Variants in IFT52 observed in about 807,000 individuals in gnomAD.
The protein encoded by IFT52 is intraflagellar transport 52.
Under a neutral mutation model 54.4 loss-of-function variants are expected in IFT52, and 44 were observed. The ratio of observed to expected loss-of-function variants is 0.81; its 90% CI spans 0.63 to 1.04. The LOEUF (loss-of-function observed/expected upper bound fraction) is 1.04, where lower values mean the gene tolerates loss of function less well. Among genes scored for constraint, IFT52 ranks in the 50% least tolerant of loss-of-function variants. IFT52 has a pLI of 0.00. For missense variants in IFT52, 452 were observed against 523.6 expected (o/e 0.86, Z 1.33); for synonymous variants, 181 against 185.3 (o/e 0.98, Z 0.19).
At chr20:43,605,441 G>T (rs1273484446) in intron 6 of IFT52, among the ~76,000 whole-genome samples, 1 of 152,202 alleles carries the variant, frequency 6.6e-6, no homozygotes, top group Admixed American at 6.5e-5. Flanking sequence ...CAGCTACTCG[G>T]GAGGCTGAGA....
chr20:43,612,258 A>T (rs1042896537), intron 6 of IFT52, among the ~76,000 whole-genome samples: 2 of 151,976 alleles, frequency 1.3e-5, no homozygotes, highest in African/African-American at 4.8e-5. Flanking sequence ...ATGGGCTGTA[A>T]TCCACCTTGC....
chr20:43,636,116 C>G, intron 11 of IFT52, 103 bp downstream of exon 11: 2 of 1,065,624 alleles, frequency 1.9e-6, no homozygotes, highest in Non-Finnish European at 2.8e-6. Context: ...ATTTGTGGCA[C>G]TCCTTGTGGA....
intron 10 of IFT52, among the ~76,000 whole-genome samples, chr20:43,625,738 G>T (rs1984670399): frequency 6.6e-6 from 1 of 152,124 alleles, no homozygotes; most frequent in Non-Finnish European, 1.5e-5. Flanking sequence ...AATGGTGGGA[G>T]ATCAGGCCTG....
At chr20:43,612,196 T>C (rs1983504703) in intron 6 of IFT52, among the ~76,000 whole-genome samples, 1 of 152,154 alleles carries the variant, frequency 6.6e-6, no homozygotes, top group South Asian at 2.1e-4. Flanking sequence ...CACCTACTTT[T>C]TCTTCCTCCA....
At chr20:43,609,140 G>C (rs1447647823) in intron 6 of IFT52, among the ~76,000 whole-genome samples, 1 of 151,608 alleles carries the variant, frequency 6.6e-6, no homozygotes, top group African/African-American at 2.4e-5. Context: ...TACTCTGGAG[G>C]CTGAGGCAAG....
chr20:43,621,228 C>T (rs1043402769), intron 9 of IFT52, among the ~76,000 whole-genome samples: 6 of 152,052 alleles, frequency 3.9e-5, no homozygotes, highest in Non-Finnish European at 8.8e-5. Context: ...CAGAAAAATA[C>T]TTTTTTCAGA....
At chr20:43,602,183 T>A (rs1003956882) in intron 3 of IFT52, among the ~76,000 whole-genome samples, 16 of 74,796 alleles carry the variant, frequency 2.1e-4, no homozygotes, top group South Asian at 5.1e-4. Context: ...TTATTTATTT[T>A]GAGACAGAGT....
At chr20:43,615,754 T>C (rs1467252872) in intron 7 of IFT52, among the ~76,000 whole-genome samples, 1 of 151,896 alleles carries the variant, frequency 6.6e-6, no homozygotes, top group Non-Finnish European at 1.5e-5. Context: ...CTGGCCAACA[T>C]GGTGAAACCC....
chr20:43,642,986 G>A (rs1986026276), intron 13 of IFT52, among the ~76,000 whole-genome samples: 1 of 151,806 alleles, frequency 6.6e-6, no homozygotes. Context: ...GACCAACATG[G>A]TGAAACCCCC....
chr20:43,613,976 G>A lies in IFT52; in HGVS notation c.612G>A (p.Lys204=). 1 of 1,612,636 alleles carries A rather than the reference G, an allele frequency of 6.2e-7. No homozygotes were observed. The highest frequency in any genetic ancestry group is 1.1e-5 in the South Asian group (1 of 90,912). The change falls in exon 7 of 14, where the codon AAG becomes AAA. Residue 204 remains lysine (K), a splice_region_variant and synonymous_variant. Coordinates refer to ENST00000373030, the MANE Select transcript of IFT52 (RefSeq NM_016004.5). ...NRPILAFYHS[K]NQGGKLAVLG... is the part of the protein sequence containing the mutation. ...CCATTTTGGCTTTCTATCACTCAAA[G>A]GTACAGCTTTTCTTAGATATGGGTA...
At chr20:43,629,562 G>A (rs570160321) in intron 10 of IFT52, among the ~76,000 whole-genome samples, 13 of 152,198 alleles carry the variant, frequency 8.5e-5, no homozygotes, top group East Asian at 7.7e-4. Context: ...GTCAGCCACC[G>A]AGCCCGGCCC....
At chr20:43,620,362 T>C (rs1201599254) in intron 8 of IFT52, among the ~76,000 whole-genome samples, 2 of 152,160 alleles carry the variant, frequency 1.3e-5, no homozygotes, top group Admixed American at 6.5e-5. Flanking sequence ...TTTCTGATAA[T>C]AAAAGTTGCA....
At chr20:43,607,148 C>T (rs1350658091) in intron 6 of IFT52, among the ~76,000 whole-genome samples, 1 of 152,156 alleles carries the variant, frequency 6.6e-6, no homozygotes, top group Non-Finnish European at 1.5e-5. Context: ...CCTCACTTCC[C>T]AGTAGGGGCA....
intron 7 of IFT52, chr20:43,618,125 T>C (rs540240378): frequency 4.6e-5 from 7 of 152,326 alleles, no homozygotes; most frequent in Admixed American, 4.6e-4. Context: ...TTGTACAGAC[T>C]GTCTTTGAGT....
Position 43,593,119 on chromosome 20 carries a change from G to T in IFT52, c.-6-1574G>T, listed in dbSNP as rs62225578. Among the ~76,000 whole-genome samples, 937 of 152,130 alleles carry T rather than the reference G, an allele frequency of 6.2e-3. 3 individuals carry two copies. The highest frequency in any genetic ancestry group is 0.017 in the Middle Eastern group (5 of 294). On this transcript the variant is annotated intron_variant, in intron 1 of 13. Transcript: ENST00000373030. ...TTATCTCAAATAATAATAATAAGAAGAAGTTTTTAAAAAGAAAAATTTAAA... is the reference window on the plus strand; with the variant it reads ...TTATCTCAAATAATAATAATAAGAATAAGTTTTTAAAAAGAAAAATTTAAA...
chr20:43,618,215 T>C (rs1362786579), intron 7 of IFT52: 3 of 119,180 alleles, frequency 2.5e-5, no homozygotes, highest in African/African-American at 1.2e-4. Context: ...ATCAATTTAA[T>C]TTTTTTTTTT....
intron 10 of IFT52, 139 bp downstream of exon 10, chr20:43,624,184 C>T: frequency 1.1e-6 from 1 of 931,774 alleles, no homozygotes; most frequent in Non-Finnish European, 1.6e-6. Context: ...ATGAGGTCAA[C>T]AAAGAAACTG....
At chr20:43,614,771 C>T (rs539715141) in intron 7 of IFT52, among the ~76,000 whole-genome samples, 96 of 151,592 alleles carry the variant, frequency 6.3e-4, no homozygotes, top group Non-Finnish European at 1.2e-3. Flanking sequence ...CACAGCTAGT[C>T]CCAGGCAGTG....
At chr20:43,612,104 C>T (rs1983497468) in intron 6 of IFT52, among the ~76,000 whole-genome samples, 1 of 152,046 alleles carries the variant, frequency 6.6e-6, no homozygotes, top group Non-Finnish European at 1.5e-5. Flanking sequence ...TCCCTTATGC[C>T]TTGAGAATCA....
Sources: gnomAD v4.1 joint callset for allele counts (sites outside exome capture counted in the v4.1 genomes callset) on GRCh38, gnomAD v4.1.1 for gene constraint, MANE v1.5 for transcripts, NCBI Gene and HGNC (gene_info 2026-07-23, HGNC 2026-07-21) for gene names.